The following BDNF variants were observed in gnomAD, a reference collection of about 807,000 sequenced individuals.
The protein encoded by BDNF is neurotrophic factor BDNF precursor form.
BDNF carries 1 observed loss-of-function variant against 19.5 expected under a neutral mutation model. The observed-to-expected ratio is 0.05, with a 90% CI of 0.02 to 0.24. The LOEUF (loss-of-function observed/expected upper bound fraction) is 0.24. BDNF is among the 10% of genes least tolerant of loss of function. The probability of loss-of-function intolerance (pLI) is 1.00; values close to 1 mark genes in which losing one functional copy is unlikely to be tolerated. For synonymous variants in BDNF, 100 were observed against 121.6 expected, an observed-to-expected ratio of 0.82 and a Z score of 1.17; for missense variants, 195 against 317.6, an observed-to-expected ratio of 0.61 and a Z score of 2.93.
intron 1 of BDNF, chr11:27,676,973 C>G (rs1443483714): frequency 6.6e-6 from 1 of 152,254 alleles, no homozygotes; most frequent in African/African-American, 2.4e-5. Context: ...GTTCAACTTT[C>G]TGCTACAGGA....
Position 27,657,121 on chromosome 11 carries a change from C to A in BDNF, c.*700G>T. The A allele has an allele frequency of 1.0e-6, 1 of 984,674 alleles. No individual in the cohort carries two copies. Among genetic ancestry groups the A allele is most frequent in the Non-Finnish European group, 1.2e-6 (1 of 829,030 alleles). The allele number at this position is 984,674 out of a possible 1,614,324, so 61.0% of individuals were successfully genotyped here. A position where few individuals can be genotyped will look rare whatever the true frequency, so the allele number is the denominator to read the frequency against. ...CCTTAATTTTTATTCACTTTCTAGT[C>A]ATCTGATCGATATTGCAAACATCTT... On this transcript the variant is annotated 3_prime_UTR_variant, in exon 2 of 2. Transcript: ENST00000356660. This position sits in a 1 kb window ranked among gnomAD's most constrained non-coding sequence, Gnocchi z 5.0.
At chr11:27,659,069 C>G in intron 1 of BDNF, 2 of 1,024,190 alleles carry the variant, frequency 2.0e-6, no homozygotes, top group South Asian at 8.2e-5. Context: ...TCTGATGGGC[C>G]TTTCTAGCTA....
chr11:27,662,511 G>C (rs1281510122), intron 1 of BDNF, among the ~76,000 whole-genome samples: 1 of 152,190 alleles, frequency 6.6e-6, no homozygotes, highest in African/African-American at 2.4e-5. Flanking sequence ...TAAGGCAGTG[G>C]TCCCAACCTT....
upstream of BDNF, chr11:27,700,668 G>A (rs1283053499): frequency 1.9e-5 from 21 of 1,117,010 alleles, no homozygotes; most frequent in Admixed American, 7.8e-4. Flanking sequence ...CCCGGGGCCT[G>A]TCCTCACCTC....
At chr11:27,697,588 A>G (rs1859255912) in intron 1 of BDNF, 1 of 152,194 alleles carries the variant, frequency 6.6e-6, no homozygotes, top group African/African-American at 2.4e-5. Flanking sequence ...TAAATGAATC[A>G]TTTGAGGTGA....
chr11:27,684,607 G>A (rs924671949), intron 1 of BDNF, among the ~76,000 whole-genome samples: 18 of 152,142 alleles, frequency 1.2e-4, no homozygotes, highest in Non-Finnish European at 2.2e-4. Context: ...TTTTTAGCAT[G>A]AAGGGCTGTT....
Position 27,656,957 on chromosome 11 carries a change from A to T in BDNF, c.*864T>A. The T allele has an allele frequency of 1.0e-6, 1 of 985,018 alleles. No individual in the cohort carries two copies. The highest frequency in any genetic ancestry group is 1.2e-6 in the Non-Finnish European group (1 of 829,850). The allele number at this position is 985,018 out of a possible 1,614,324, so 61.0% of individuals were successfully genotyped here. On this transcript the variant is annotated 3_prime_UTR_variant, in exon 2 of 2. Transcript: ENST00000356660. ...AAAACAAAGAGGAGACCAGAGGGGG[A>T]GGGGGGGAAAGAATGTGTTCTGAGC...
upstream of BDNF, chr11:27,701,316 C>G (rs1859884162): frequency 2.7e-6 from 3 of 1,124,780 alleles, no homozygotes; most frequent in Non-Finnish European, 3.3e-6. Flanking sequence ...CACTACTTGT[C>G]AAAGTAACCA....
Position 27,694,150 on chromosome 11 carries a change from A to G in BDNF, c.-22+6014T>C, listed in dbSNP as rs1255446735. On this transcript the variant is annotated intron_variant, in intron 1 of 1. Transcript: ENST00000356660. ...CTGAAGCACAGTCGCTGGCATCTCC[A>G]CTGGCATTTAAAAATTTGAAGACAT... Among the ~76,000 whole-genome samples the G allele has an allele frequency of 2.0e-5, 3 of 152,162 alleles. No individual in the cohort carries two copies. In the East Asian group the frequency reaches 5.8e-4, roughly 29 times the overall value.
chr11:27,687,846 C>A (rs1268858586), intron 1 of BDNF, among the ~76,000 whole-genome samples: 2 of 152,170 alleles, frequency 1.3e-5, no homozygotes, highest in African/African-American at 2.4e-5. Context: ...GTCTGTCGAC[C>A]CCTGCTGGGA....
chr11:27,683,292 G>C (rs1292833950), intron 1 of BDNF, among the ~76,000 whole-genome samples: 3 of 152,108 alleles, frequency 2.0e-5, no homozygotes, highest in African/African-American at 7.2e-5. Context: ...GTTCCTTGTA[G>C]ATTCTGGATA....
chr11:27,667,012 C>CGA (rs370318347), intron 1 of BDNF, among the ~76,000 whole-genome samples: 18 of 152,116 alleles, frequency 1.2e-4, no homozygotes, highest in African/African-American at 3.9e-4. Flanking sequence ...TTAAGTGCAG[C>CGA]GAGAGAGAAA....
At chr11:27,674,842 T>C in intron 1 of BDNF, 1 of 927,982 alleles carries the variant, frequency 1.1e-6, no homozygotes, top group Admixed American at 6.2e-5. Flanking sequence ...AATACAGTAT[T>C]TGTTGGTGAT....
At chr11:27,709,677 C>G (rs1409852285) in intron 1 of BDNF, among the ~76,000 whole-genome samples, 1 of 152,170 alleles carries the variant, frequency 6.6e-6, no homozygotes, top group Non-Finnish European at 1.5e-5. Context: ...CCTGGGCAAG[C>G]AACTTCACTA....
intron 1 of BDNF, among the ~76,000 whole-genome samples, chr11:27,670,071 A>G (rs1855090229): frequency 6.6e-6 from 1 of 152,172 alleles, no homozygotes; most frequent in Non-Finnish European, 1.5e-5. Context: ...ATATAGACCA[A>G]TGGAACAGAA....
intron 1 of BDNF, chr11:27,674,690 G>A (rs1296892683): frequency 1.0e-6 from 1 of 985,270 alleles, no homozygotes; most frequent in Non-Finnish European, 1.2e-6. Flanking sequence ...GTGAACAACA[G>A]GACTGTGAAA....
chr11:27,682,647 G>C (rs1004958015), intron 1 of BDNF, among the ~76,000 whole-genome samples: 1 of 152,106 alleles, frequency 6.6e-6, no homozygotes, highest in African/African-American at 2.4e-5. Flanking sequence ...TTATGAGTGA[G>C]AACATGTGGT....
intron 1 of BDNF, among the ~76,000 whole-genome samples, chr11:27,668,953 CAA>C (rs1463952626): frequency 1.3e-5 from 2 of 151,972 alleles, no homozygotes; most frequent in African/African-American, 4.8e-5. Flanking sequence ...AGAGACACAA[CAA>C]AAAAAGAGAA....
intron 1 of BDNF, among the ~76,000 whole-genome samples, chr11:27,719,012 A>G (rs1425380639): frequency 1.3e-5 from 2 of 152,004 alleles, no homozygotes; most frequent in East Asian, 3.9e-4. Flanking sequence ...GGTGGGGGTG[A>G]GGGTTATAGG....
Sources: allele counts gnomAD v4.1 joint callset (sites outside exome capture counted in the v4.1 genomes callset), GRCh38; gene constraint gnomAD v4.1.1; non-coding constraint Gnocchi (gnomAD v3.1); transcripts MANE v1.5; gene names NCBI Gene and HGNC (gene_info 2026-07-23, HGNC 2026-07-21).